SOS2: variants seen among roughly 807,000 people sequenced by gnomAD.
SOS2 encodes the protein son of sevenless homolog 2.
Under a neutral mutation model 148.2 loss-of-function variants are expected in SOS2, and 65 were observed. That is an observed-to-expected ratio of 0.44 (90% CI 0.36 to 0.54). The LOEUF (loss-of-function observed/expected upper bound fraction) is 0.54. SOS2 is among the 20% of genes least tolerant of loss of function. The pLI is 0.00. For missense variants in SOS2, 1,341 were observed against 1,590.2 expected, an observed-to-expected ratio of 0.84 and a Z score of 2.67; for synonymous variants, 539 against 537.1, an observed-to-expected ratio of 1.00 and a Z score of -0.05.
chr14:50,157,024 C>G lies in SOS2; in HGVS notation c.2032G>C (p.Glu678Gln), dbSNP rs1010251171. Residue 678 changes from glutamate (E) to glutamine (Q), a missense_variant, in exon 12 of 23, where the codon GAA becomes CAA. Physicochemically the swap from Glu to Gln is conservative, Grantham distance 29. Around this residue, in one of 4 missense-constraint regions of SOS2, gnomAD observed 408 missense variants for 506.6 expected, o/e 0.81. Coordinates refer to ENST00000216373, the MANE Select transcript of SOS2 (RefSeq NM_006939.4). ...ISADLKRFRK[E>Q]YVQPVQLRIL... ...CTAAGTTGTACTGGTTGGACATATT[C>G]CTTGCGAAATCTTTTAAGGTCTGCA... is the stretch of plus-strand genomic sequence containing the variant. 6.2e-7 allele frequency: 1 copy of G among 1,606,930 alleles called. No individual in the cohort carries two copies. Among genetic ancestry groups the G allele is most frequent in the African/African-American group, 1.3e-5 (1 of 74,868 alleles).
chr14:50,118,439 G>A lies in SOS2; in HGVS notation c.3904C>T (p.Leu1302=). 1 of 1,614,200 alleles carries A rather than the reference G, an allele frequency of 6.2e-7. No individual in the cohort carries two copies. Among genetic ancestry groups the A allele is most frequent in the Non-Finnish European group, 8.5e-7 (1 of 1,180,016 alleles). The change falls in exon 23 of 23, where the codon CTG becomes TTG. Residue 1302 remains leucine, a synonymous_variant. Transcript: ENST00000216373. ...VPPRQNSSPH[L]PKLPPKTYKR... is the part of the protein sequence containing the mutation. ...TAAGTCTTTGGTGGCAGTTTTGGCA[G>A]ATGAGGGCTTGAATTCTGCCTTGGT...
intron 2 of SOS2, among the ~76,000 whole-genome samples, chr14:50,203,417 G>A (rs952765927): frequency 6.6e-6 from 1 of 151,886 alleles, no homozygotes; most frequent in Admixed American, 6.6e-5. Context: ...TTAGACATTT[G>A]TTTTTAGCAG....
intron 2 of SOS2, among the ~76,000 whole-genome samples, chr14:50,202,488 C>T (rs923855967): frequency 1.3e-5 from 2 of 151,716 alleles, no homozygotes; most frequent in Non-Finnish European, 2.9e-5. Flanking sequence ...AGTCTCAGCA[C>T]TTTGGGAGAC....
At chr14:50,145,381 T>G (rs762706027) in intron 15 of SOS2, 49 bp from the exon 16 acceptor site, 1 of 1,565,924 alleles carries the variant, frequency 6.4e-7, no homozygotes, top group South Asian at 1.2e-5. Flanking sequence ...TCACCTCACT[T>G]AGAAAACAAG....
Position 50,130,672 on chromosome 14 carries a change from G to T in SOS2, c.3166C>A (p.Pro1056Thr), listed in dbSNP as rs1358902150. 1.2e-6 allele frequency: 2 copies of T among 1,613,954 alleles called. No homozygotes were observed. Among genetic ancestry groups the T allele is most frequent in the Non-Finnish European group, 1.7e-6 (2 of 1,179,954 alleles). ...GSTSGTLRGHPTPLEREPCKI... is the reference protein window; with the variant it reads ...GSTSGTLRGHTTPLEREPCKI... ...CATGGTTCTCTTTCTAATGGTGTTGGGTGACCTCGTAAAGTACCTGAGGTA... is the reference window on the plus strand; with the variant it reads ...CATGGTTCTCTTTCTAATGGTGTTGTGTGACCTCGTAAAGTACCTGAGGTA... Residue 1056 changes from proline (P) to threonine (T), a missense_variant, in exon 20 of 23, where the codon CCA becomes ACA. Pro to Thr is a conservative substitution (Grantham distance 38, BLOSUM62 -1). Around this residue, in one of 4 missense-constraint regions of SOS2, gnomAD observed 354 missense variants for 347.7 expected, o/e 1.02. Coordinates refer to ENST00000216373, the MANE Select transcript of SOS2 (RefSeq NM_006939.4).
At chr14:50,224,352 CACACACACACACAT>C (rs1189870311) in intron 1 of SOS2, among the ~76,000 whole-genome samples, 10 of 146,572 alleles carry the variant, frequency 6.8e-5, no homozygotes, top group Middle Eastern at 3.6e-3. Flanking sequence ...CACACACACA[CACACACACACACAT>C]ATATATAAAT....
In SOS2 at chr14:50,178,384, C is replaced by T. The variant is rs552367776; in HGVS notation, c.969+2188G>A. Reference sequence around the variant, plus strand: ...GATCGTAAGTTTCCTGAGGCCTCCCCAGCCGTGCTTCCTGTAGAGCCTGTG... The same window carrying T: ...GATCGTAAGTTTCCTGAGGCCTCCCTAGCCGTGCTTCCTGTAGAGCCTGTG... On this transcript the variant is annotated intron_variant, in intron 7 of 22. Coordinates refer to ENST00000216373, the MANE Select transcript of SOS2 (RefSeq NM_006939.4). Among the ~76,000 whole-genome samples, 93 of 152,260 alleles carry T rather than the reference C, an allele frequency of 6.1e-4. 1 individual carries two copies. Among genetic ancestry groups the T allele is most frequent in the African/African-American group, 2.0e-3 (85 of 41,552 alleles).
intron 14 of SOS2, among the ~76,000 whole-genome samples, chr14:50,149,587 C>T (rs996203710): frequency 1.3e-5 from 2 of 152,176 alleles, no homozygotes; most frequent in Non-Finnish European, 2.9e-5. Context: ...CGACAGAGAG[C>T]TGTTACATGC....
intron 1 of SOS2, among the ~76,000 whole-genome samples, chr14:50,226,877 A>G (rs1308841187): frequency 6.6e-6 from 1 of 152,230 alleles, no homozygotes; most frequent in Non-Finnish European, 1.5e-5. Flanking sequence ...TAACACATGC[A>G]TATAGTACCA....
At position 50,159,758 on chromosome 14, in the gene SOS2, T is replaced by G; in HGVS notation, c.1525A>C (p.Lys509Gln). ...TTGGATACTAATTCAAATGCATGCT[T>G]GTGCTCACAAGTATCTTCTTTATCA... ...ICDKEDTCEH[K>Q]HAFELVSKDE... The change falls in exon 10 of 23, where the codon AAG becomes CAG. Residue 509 changes from lysine to glutamine, a missense_variant. By Grantham distance (53) the Lys-to-Gln change is moderately conservative. Coordinates refer to ENST00000216373, the MANE Select transcript of SOS2 (RefSeq NM_006939.4). 6.2e-7 allele frequency: 1 copy of G among 1,614,042 alleles called. No homozygotes were observed. Among genetic ancestry groups the G allele is most frequent in the Non-Finnish European group, 8.5e-7 (1 of 1,179,906 alleles).
intron 7 of SOS2, 71 bp downstream of exon 7, chr14:50,180,501 G>A (rs994824657): frequency 6.7e-5 from 44 of 658,618 alleles, no homozygotes; most frequent in Non-Finnish European, 9.8e-5. Context: ...AATATTTGAA[G>A]GATAAAATAG....
At chr14:50,139,232 G>A (rs1884183629) in intron 17 of SOS2, among the ~76,000 whole-genome samples, 1 of 152,118 alleles carries the variant, frequency 6.6e-6, no homozygotes, top group Non-Finnish European at 1.5e-5. Context: ...TGTTTTTTCA[G>A]AGACTGTAAT....
intron 1 of SOS2, among the ~76,000 whole-genome samples, 200 bp from the exon 2 acceptor site, chr14:50,204,609 C>T (rs1412090107): frequency 6.6e-6 from 1 of 152,080 alleles, no homozygotes; most frequent in Non-Finnish European, 1.5e-5. Context: ...CATTTTTGGA[C>T]CCTTTGAAAA....
At chr14:50,226,933 A>G (rs1157687521) in intron 1 of SOS2, among the ~76,000 whole-genome samples, 2 of 152,184 alleles carry the variant, frequency 1.3e-5, no homozygotes, top group African/African-American at 2.4e-5. Flanking sequence ...ACAAATATAC[A>G]CCATGCTCTT....
chr14:50,217,101 G>GATAAGGAAAAC (rs1466272429), intron 1 of SOS2, among the ~76,000 whole-genome samples: 2 of 152,108 alleles, frequency 1.3e-5, no homozygotes, highest in Non-Finnish European at 2.9e-5. Context: ...CTGACATAAA[G>GATAAGGAAAAC]ATAAGGAAAA....
At chr14:50,134,540 G>A (rs534887441) in intron 18 of SOS2, among the ~76,000 whole-genome samples, 6 of 151,870 alleles carry the variant, frequency 4.0e-5, no homozygotes, top group Non-Finnish European at 8.8e-5. Context: ...TTATTCCTTA[G>A]GAAACTTTAC....
intron 14 of SOS2, among the ~76,000 whole-genome samples, chr14:50,149,449 A>G (rs750975564): frequency 4.5e-4 from 69 of 152,280 alleles, no homozygotes; most frequent in Non-Finnish European, 9.0e-4. Flanking sequence ...CTAAAAAAAA[A>G]ATGAACTCAT....
intron 4 of SOS2, among the ~76,000 whole-genome samples, chr14:50,194,463 T>A (rs1681982920): frequency 6.8e-6 from 1 of 147,682 alleles, no homozygotes; most frequent in South Asian, 2.2e-4. Context: ...ATTTTTTTTT[T>A]TTTTTTTTTT....
At chr14:50,142,475 G>A (rs1316951890) in intron 16 of SOS2, among the ~76,000 whole-genome samples, 1 of 152,060 alleles carries the variant, frequency 6.6e-6, no homozygotes, top group Non-Finnish European at 1.5e-5. Flanking sequence ...GTTAAAAGAG[G>A]AGTATGTAAC....
Sources: gnomAD v4.1 joint callset for allele counts (sites outside exome capture counted in the v4.1 genomes callset) on GRCh38, gnomAD v4.1.1 for gene constraint, gnomAD v4.1.1 regional missense constraint, MANE v1.5 for transcripts, NCBI Gene and HGNC (gene_info 2026-07-23, HGNC 2026-07-21) for gene names.